Variants in UBE2E2 observed in about 807,000 individuals in gnomAD.
The protein encoded by UBE2E2 is ubiquitin conjugating enzyme E2 E2.
A neutral mutation model predicts 24.7 loss-of-function variants in UBE2E2; 6 were observed. The observed-to-expected ratio is 0.24, with a 90% CI of 0.13 to 0.48. The LOEUF is 0.48. Among genes scored for constraint, UBE2E2 ranks in the 20% least tolerant of loss-of-function variants. UBE2E2 has a pLI of 0.99. For synonymous variants in UBE2E2, 104 were observed against 83.6 expected (o/e 1.24, Z -1.33); for missense variants, 169 against 245.0 (o/e 0.69, Z 2.07).
chr3:23,408,039 CTT>C (rs978637679), intron 3 of UBE2E2, among the ~76,000 whole-genome samples: 1 of 151,992 alleles, frequency 6.6e-6, no homozygotes, highest in African/African-American at 2.4e-5. Context: ...GTAAATAAAA[CTT>C]TTAATGAAGA....
rs1016029697 is a variant in UBE2E2 at position 23,283,603 on chromosome 3, T to TATAGTCTCAGC, written c.227+66293_227+66303dup. Among the ~76,000 whole-genome samples the TATAGTCTCAGC allele has an allele frequency of 4.6e-5, 7 of 152,194 alleles. No homozygotes were observed. In the East Asian group the frequency reaches 7.7e-4, roughly 17 times the overall value. On this transcript the variant is annotated intron_variant, in intron 3 of 5. Transcript: ENST00000396703. ...TTAGCTGGGCATGGTGGCACACACTTATAGTCTCAGCAGATGTGTGCCACC... is the reference window on the plus strand; with the variant it reads ...TTAGCTGGGCATGGTGGCACACACTTATAGTCTCAGCATAGTCTCAGCAGATGTGTGCCACC...
chr3:23,479,290 G>T (rs956306811), intron 3 of UBE2E2, among the ~76,000 whole-genome samples: 1 of 152,206 alleles, frequency 6.6e-6, no homozygotes. Context: ...CAGCTGCTGT[G>T]GTGGGGCAGG....
intron 2 of UBE2E2, among the ~76,000 whole-genome samples, chr3:23,209,977 G>T (rs1696274629): frequency 6.6e-6 from 1 of 152,038 alleles, no homozygotes; most frequent in African/African-American, 2.4e-5. Flanking sequence ...ACCATGCTAG[G>T]GTGGGGAAGA....
chr3:23,494,523 A>G (rs1169126702), intron 3 of UBE2E2, among the ~76,000 whole-genome samples: 2 of 152,212 alleles, frequency 1.3e-5, no homozygotes, highest in East Asian at 1.9e-4. Context: ...TAGTAGCCAC[A>G]TGGCTACCAT....
chr3:23,447,880 G>A (rs964433823), intron 3 of UBE2E2, among the ~76,000 whole-genome samples: 2 of 152,102 alleles, frequency 1.3e-5, no homozygotes, highest in African/African-American at 4.8e-5. Context: ...TGTCTTCAGA[G>A]CCTTTATTAA....
intron 3 of UBE2E2, among the ~76,000 whole-genome samples, chr3:23,451,232 TA>T (rs1172701596): frequency 6.6e-6 from 1 of 152,182 alleles, no homozygotes; most frequent in African/African-American, 2.4e-5. Flanking sequence ...AGCAAATAAA[TA>T]ATTTTTTTTG....
intron 3 of UBE2E2, among the ~76,000 whole-genome samples, chr3:23,345,561 T>G (rs1346055490): frequency 5.9e-5 from 9 of 152,188 alleles, no homozygotes; most frequent in Admixed American, 4.6e-4. Context: ...GAACTTTATC[T>G]TAACACAATA....
intron 3 of UBE2E2, among the ~76,000 whole-genome samples, chr3:23,335,152 A>G (rs1184907923): frequency 1.3e-5 from 2 of 152,186 alleles, no homozygotes; most frequent in Admixed American, 6.6e-5. Context: ...GGTCTCAAAT[A>G]TATTTCCTTA....
At chr3:23,265,250 C>T (rs921503250) in intron 3 of UBE2E2, among the ~76,000 whole-genome samples, 1 of 152,122 alleles carries the variant, frequency 6.6e-6, no homozygotes, top group South Asian at 2.1e-4. Context: ...TATGGTTGAA[C>T]TTGAAGGGGA....
chr3:23,560,444 A>G (rs1483181937), intron 5 of UBE2E2, among the ~76,000 whole-genome samples: 2 of 151,900 alleles, frequency 1.3e-5, no homozygotes, highest in East Asian at 3.9e-4. Flanking sequence ...TATGTGCCAC[A>G]TTTTCTTAAT....
At chr3:23,262,044 A>T (rs752713126) in intron 3 of UBE2E2, among the ~76,000 whole-genome samples, 8 of 152,172 alleles carry the variant, frequency 5.3e-5, no homozygotes, top group Non-Finnish European at 8.8e-5. Flanking sequence ...AGGAGCCTCC[A>T]TATTGGTTTC....
At chr3:23,562,703 C>G (rs1210580701) in intron 5 of UBE2E2, among the ~76,000 whole-genome samples, 2 of 151,998 alleles carry the variant, frequency 1.3e-5, no homozygotes, top group South Asian at 2.1e-4. Flanking sequence ...TGGTCCTGGA[C>G]TTTTTTTGGT....
intron 5 of UBE2E2, among the ~76,000 whole-genome samples, chr3:23,575,766 G>A (rs1696333045): frequency 6.6e-6 from 1 of 152,118 alleles, no homozygotes; most frequent in Non-Finnish European, 1.5e-5. Context: ...CCCTCCAGAA[G>A]TACTCAAATA....
At chr3:23,454,198 A>G (rs1698625796) in intron 3 of UBE2E2, among the ~76,000 whole-genome samples, 1 of 152,194 alleles carries the variant, frequency 6.6e-6, no homozygotes, top group South Asian at 2.1e-4. Context: ...AAATTATTTT[A>G]ATACTTTATA....
At chr3:23,300,820 A>T (rs1371781775) in intron 3 of UBE2E2, among the ~76,000 whole-genome samples, 1 of 151,954 alleles carries the variant, frequency 6.6e-6, no homozygotes, top group African/African-American at 2.4e-5. Context: ...CCTGAATCTG[A>T]ATGTTGGCCT....
intron 5 of UBE2E2, among the ~76,000 whole-genome samples, chr3:23,565,092 C>T (rs753277025): frequency 1.5e-4 from 23 of 152,058 alleles, no homozygotes; most frequent in African/African-American, 2.2e-4. Context: ...CACACAGACA[C>T]GCTTTTGTTC....
chr3:23,403,841 G>T (rs1245597768), intron 3 of UBE2E2, among the ~76,000 whole-genome samples: 2 of 148,102 alleles, frequency 1.4e-5, no homozygotes, highest in African/African-American at 4.9e-5. Flanking sequence ...TTGTAGGATA[G>T]TAGTAATTTT....
chr3:23,337,425 A>G (rs371000807), intron 3 of UBE2E2, among the ~76,000 whole-genome samples: 1 of 152,184 alleles, frequency 6.6e-6, no homozygotes, highest in Admixed American at 6.5e-5. Flanking sequence ...AGTGTGCAAT[A>G]CAAAGTCCTT....
chr3:23,491,282 G>A (rs1217934373), intron 3 of UBE2E2, among the ~76,000 whole-genome samples: 1 of 152,158 alleles, frequency 6.6e-6, no homozygotes, highest in Non-Finnish European at 1.5e-5. Context: ...ACCCTCTGGG[G>A]CATAGGGAAT....
Sources: allele counts gnomAD v4.1 joint callset (sites outside exome capture counted in the v4.1 genomes callset), GRCh38; gene constraint gnomAD v4.1.1; transcripts MANE v1.5; gene names NCBI Gene and HGNC (gene_info 2026-07-23, HGNC 2026-07-21).